NUP214: variants seen among roughly 807,000 people sequenced by gnomAD.
NUP214 encodes nuclear pore complex protein Nup214.
Under a neutral mutation model 196.2 loss-of-function variants are expected in NUP214, and 79 were observed. The ratio of observed to expected loss-of-function variants is 0.40; its 90% CI spans 0.34 to 0.49. NUP214 has a LOEUF of 0.49. NUP214 is among the 20% of genes least tolerant of loss of function. The pLI is 0.58. For synonymous variants in NUP214, 1,020 were observed against 990.5 expected (o/e 1.03, Z -0.56); for missense variants, 2,468 against 2,539.0 (o/e 0.97, Z 0.60).
rs189182842 is a variant in NUP214 at position 131,126,641 on chromosome 9, C to T, written c.46-883C>T. Among the ~76,000 whole-genome samples, 363 of 151,772 alleles carry T rather than the reference C, an allele frequency of 2.4e-3. 3 individuals are homozygous for T. The highest frequency in any genetic ancestry group is 8.4e-3 in the African/African-American group (349 of 41,332). ...CGGCTCCCTGCAACCTCCACCTCCC[C>T]GGCTCAAGCGATTCTCCTGCTTCAA... On this transcript the variant is annotated intron_variant, in intron 1 of 35. Transcript: ENST00000359428.
chr9:131,134,772 G>A (rs1233526233), intron 7 of NUP214, 126 bp from the exon 8 acceptor site: 13 of 658,284 alleles, frequency 2.0e-5, no homozygotes, highest in Admixed American at 1.5e-4. Flanking sequence ...TACCATGTCC[G>A]TATATCTGGA....
chr9:131,195,272 T>C lies in NUP214; in HGVS notation c.3699T>C (p.Ser1233=), dbSNP rs1256741183. The C allele has an allele frequency of 6.2e-7, 1 of 1,613,572 alleles. No homozygotes were observed. Among genetic ancestry groups the C allele is most frequent in the South Asian group, 1.1e-5 (1 of 91,028 alleles). The stretch of plus-strand genomic sequence containing the variant: ...TTGGGATAATCACACCAACACCGTC[T>C]TCTAATTTCACTGCTGCACAAGGTA... ...FNFGIITPTP[S]SNFTAAQGAT... is the part of the protein sequence containing the mutation. The change falls in exon 28 of 36, where the codon TCT becomes TCC. Residue 1233 remains serine (S), a synonymous_variant. Coordinates refer to ENST00000359428, the MANE Select transcript of NUP214 (RefSeq NM_005085.4).
intron 24 of NUP214, among the ~76,000 whole-genome samples, chr9:131,181,768 C>T (rs1833285524): frequency 6.6e-6 from 1 of 152,152 alleles, no homozygotes. Context: ...TTCTCCCATT[C>T]TTTGAGTTGT....
Position 131,233,998 on chromosome 9 carries a change from C to T in NUP214, c.*511C>T, listed in dbSNP as rs1002230950. The T allele has an allele frequency of 1.5e-5, 4 of 271,268 alleles. No individual in the cohort carries two copies. The highest frequency in any genetic ancestry group is 8.5e-5 in the South Asian group (1 of 11,698). The allele number at this position is 271,268 out of a possible 1,614,324, so 16.8% of individuals were successfully genotyped here. A position where few individuals can be genotyped will look rare whatever the true frequency, so the allele number is the denominator to read the frequency against. On this transcript the variant is annotated 3_prime_UTR_variant, in exon 36 of 36. Coordinates refer to ENST00000359428, the MANE Select transcript of NUP214 (RefSeq NM_005085.4). ...ATTGTGTATCAGGACCATCCAAGGA[C>T]GCACTCTGCGATTGAGTGGAGGCAG... is the stretch of plus-strand genomic sequence containing the variant.
Position 131,218,761 on chromosome 9 carries a change from T to G in NUP214, c.5749+3393T>G, listed in dbSNP as rs186704624. ...AACCCTTGGGCAACTTCCCACTGAC[T>G]ATAGGATAAAGATGAAATAAACTTG... On this transcript the variant is annotated intron_variant, in intron 31 of 35. Transcript: ENST00000359428. Among the ~76,000 whole-genome samples, 29 of 152,198 alleles carry G rather than the reference T, an allele frequency of 1.9e-4. No homozygotes were observed. In the East Asian group the frequency reaches 5.0e-3, roughly 26 times the overall value.
At chr9:131,218,780 A>G (rs1273464853) in intron 31 of NUP214, among the ~76,000 whole-genome samples, 1 of 152,130 alleles carries the variant, frequency 6.6e-6, no homozygotes, top group Non-Finnish European at 1.5e-5. Flanking sequence ...AAGATGAAAT[A>G]AACTTGAAAC....
intron 30 of NUP214, among the ~76,000 whole-genome samples, chr9:131,207,486 G>A (rs968775515): frequency 1.3e-5 from 2 of 152,170 alleles, no homozygotes; most frequent in African/African-American, 2.4e-5. Context: ...TCCTCACAAC[G>A]TGGTGGCTAG....
chr9:131,190,070 C>A, intron 26 of NUP214: 1 of 202,390 alleles, frequency 4.9e-6, no homozygotes, highest in East Asian at 8.3e-5. Context: ...GTAGCTATTC[C>A]TTGCAGAAGG....
rs547812305 is a variant in NUP214 at position 131,201,550 on chromosome 9, C to T, written c.5522-97C>T. The T allele has an allele frequency of 6.8e-5, 62 of 913,986 alleles. 1 individual carries two copies. Among genetic ancestry groups the T allele is most frequent in the African/African-American group, 6.3e-4 (35 of 55,880 alleles). 56.6% of individuals were successfully genotyped at this position (913,986 alleles called of 1,614,324 possible). A position where few individuals can be genotyped will look rare whatever the true frequency, so the allele number is the denominator to read the frequency against. On this transcript the variant is annotated intron_variant, in intron 29 of 35. Transcript: ENST00000359428. ...ATTGCACTCCAGCCTGGTGACAGAG[C>T]GAGACTCTGCCTCAAAAAAAAAAAA...
intron 27 of NUP214, among the ~76,000 whole-genome samples, chr9:131,193,125 G>A (rs148309372): frequency 5.9e-5 from 9 of 152,086 alleles, no homozygotes; most frequent in African/African-American, 1.9e-4. Flanking sequence ...GTAAAGTTGA[G>A]TTGTTTTTAA....
At position 131,198,686 on chromosome 9, in the gene NUP214, T is replaced by A. The variant is rs749069499; in HGVS notation, c.5192T>A (p.Val1731Asp). 5.0e-6 allele frequency: 8 copies of A among 1,614,068 alleles called. No individual in the cohort carries two copies. In the Admixed American group the frequency reaches 1.2e-4, roughly 24 times the overall value. ...FGQTTFGQAS[V>D]FGQSASSAAS... ...CAGACAACCTTCGGGCAGGCCTCAG[T>A]CTTTGGGCAGTCGGCGAGCAGTGCT... is the stretch of plus-strand genomic sequence containing the variant. Residue 1731 changes from valine to aspartate, a missense_variant, in exon 29 of 36, where the codon GTC becomes GAC. Val to Asp is a radical substitution (Grantham distance 152, BLOSUM62 -3). Coordinates refer to ENST00000359428, the MANE Select transcript of NUP214 (RefSeq NM_005085.4).
Position 131,178,403 on chromosome 9 carries a change from G to A in NUP214, c.3412G>A (p.Ala1138Thr). Residue 1138 changes from alanine to threonine, a missense_variant, in exon 24 of 36, where the codon GCC becomes ACC. Transcript: ENST00000359428. ...GAATAACCCTGCAACCCCTTCTACA[G>A]CCATGGGGTATGTTCTGACTGCAGT... is the stretch of plus-strand genomic sequence containing the variant. Reference protein sequence around the residue: ...LKNNPATPSTAMGSSVPYSTA... With the variant: ...LKNNPATPSTTMGSSVPYSTA... 2 of 1,609,032 alleles carry A rather than the reference G, an allele frequency of 1.2e-6. No homozygotes were observed.
chr9:131,186,972 A>C, intron 24 of NUP214: 1 of 223,674 alleles, frequency 4.5e-6, no homozygotes, highest in Non-Finnish European at 9.0e-6. Context: ...AACAGGGGGA[A>C]GGGCCAGGGA....
In NUP214 at chr9:131,197,791, A is replaced by G; in HGVS notation, c.4297A>G (p.Ser1433Gly). 6.2e-7 allele frequency: 1 copy of G among 1,614,090 alleles called. No individual in the cohort carries two copies. Among genetic ancestry groups the G allele is most frequent in the Non-Finnish European group, 8.5e-7 (1 of 1,180,022 alleles). Residue 1433 changes from serine (S) to glycine (G), a missense_variant, in exon 29 of 36, where the codon AGT (serine) becomes GGT (glycine). Coordinates refer to ENST00000359428, the MANE Select transcript of NUP214 (RefSeq NM_005085.4). ...GVISFGGTSL[S>G]AGKTSFSFGS... The stretch of plus-strand genomic sequence containing the variant: ...CATCAGTTTTGGTGGGACATCTCTA[A>G]GTGCTGGCAAGACTAGTTTTTCATT...
chr9:131,151,647 C>A, intron 16 of NUP214, 89 bp from the exon 17 acceptor site: 1 of 955,698 alleles, frequency 1.0e-6, no homozygotes, highest in Non-Finnish European at 1.6e-6. Flanking sequence ...GTTCAGTGAG[C>A]GTTTGAGAAA....
At position 131,222,927 on chromosome 9, in the gene NUP214, A is replaced by G; in HGVS notation, c.5899A>G (p.Thr1967Ala). The G allele has an allele frequency of 6.2e-7, 1 of 1,613,804 alleles. No homozygotes were observed. Among genetic ancestry groups the G allele is most frequent in the Non-Finnish European group, 8.5e-7 (1 of 1,179,836 alleles). Reference sequence around the variant, plus strand: ...CTTTGGGTTTTCCTCTCCAAACAAAACAGGTACTCCTATGTCTATTTGTTA... The same window carrying G: ...CTTTGGGTTTTCCTCTCCAAACAAAGCAGGTACTCCTATGTCTATTTGTTA... Reference protein sequence around the residue: ...QGFGFSSPNKTGGFGAAPVFG... With the variant: ...QGFGFSSPNKAGGFGAAPVFG... The change falls in exon 32 of 36, where the codon ACA becomes GCA. Residue 1967 changes from threonine to alanine, a missense_variant. Physicochemically the swap from Thr to Ala is moderately conservative, Grantham distance 58 (BLOSUM62 0). Around this residue, in one of 5 missense-constraint regions of NUP214, gnomAD observed 262 missense variants for 296.5 expected, o/e 0.88. Transcript: ENST00000359428.
At chr9:131,133,322 T>TTTTTG in intron 7 of NUP214, 113 bp downstream of exon 7, 1 of 598,354 alleles carries the variant, frequency 1.7e-6, no homozygotes, top group South Asian at 2.5e-5. Context: ...TTTTTTTTTT[T>TTTTTG]GAGACAAGAT....
In NUP214 at chr9:131,181,246, A is replaced by C. The variant is rs541485809; in HGVS notation, c.3419+2836A>C. Among the ~76,000 whole-genome samples the C allele has an allele frequency of 1.9e-3, 293 of 152,276 alleles. 1 individual carries two copies. The highest frequency in any genetic ancestry group is 6.7e-3 in the African/African-American group (279 of 41,554). On this transcript the variant is annotated intron_variant, in intron 24 of 35. Coordinates refer to ENST00000359428, the MANE Select transcript of NUP214 (RefSeq NM_005085.4). The stretch of plus-strand genomic sequence containing the variant: ...GTGTCTACAAGTTGAAGAGCGAGTC[A>C]GGGGGGACCTCTGGTGACGAGAGTA...
intron 21 of NUP214, among the ~76,000 whole-genome samples, chr9:131,173,302 C>T (rs959412558): frequency 5.3e-5 from 8 of 151,596 alleles, no homozygotes; most frequent in East Asian, 3.9e-4. Context: ...GTGATCTGCC[C>T]GCCTCAGCCT....
Sources: allele counts gnomAD v4.1 joint callset (sites outside exome capture counted in the v4.1 genomes callset), GRCh38; gene constraint gnomAD v4.1.1; regional missense constraint gnomAD v4.1.1; transcripts MANE v1.5; gene names NCBI Gene and HGNC (gene_info 2026-07-23, HGNC 2026-07-21).